MBP: variants seen among roughly 807,000 people sequenced by gnomAD.
MBP encodes the protein Golli-MBP.
MBP carries 16 observed loss-of-function variants against 35.8 expected under a neutral mutation model. The observed-to-expected ratio is 0.45, with a 90% CI of 0.30 to 0.68. The LOEUF is 0.68. MBP is among the 30% of genes least tolerant of loss of function. MBP has a pLI of 0.08. For missense variants in MBP, 380 were observed against 404.7 expected, an observed-to-expected ratio of 0.94 and a Z score of 0.52; for synonymous variants, 143 against 159.6, an observed-to-expected ratio of 0.90 and a Z score of 0.78.
intron 3 of MBP, among the ~76,000 whole-genome samples, chr18:77,043,252 T>C (rs1054129009): frequency 6.6e-6 from 1 of 152,158 alleles, no homozygotes; most frequent in Non-Finnish European, 1.5e-5. Flanking sequence ...ATCTTTCACC[T>C]TTTTTTGCGT....
rs565347243 is a variant in MBP at position 77,069,701 on chromosome 18, T to C, written c.52-3316A>G. On this transcript the variant is annotated intron_variant, in intron 2 of 8. Transcript: ENST00000355994. ...GCGGCAGCCACTTCCCTGTATCCAC[T>C]TCCCAGGCTGGTTTCGAGGGTGGGG... is the stretch of plus-strand genomic sequence containing the variant. Among the ~76,000 whole-genome samples, 157 of 152,310 alleles carry C rather than the reference T, an allele frequency of 1.0e-3. 1 individual carries two copies. Among genetic ancestry groups the C allele is most frequent in the Non-Finnish European group, 1.6e-3 (109 of 68,028 alleles).
intron 2 of MBP, among the ~76,000 whole-genome samples, chr18:77,072,066 G>A (rs975080539): frequency 3.9e-5 from 6 of 152,094 alleles, no homozygotes; most frequent in Admixed American, 6.5e-5. Context: ...TTCCTATGAC[G>A]TCACAGGCGA....
rs1971949696 is a variant in MBP, at chr18:77,020,572, G to A, written c.140-3304C>T. Among the ~76,000 whole-genome samples, 1 of 152,202 alleles carries A rather than the reference G, an allele frequency of 6.6e-6. No homozygotes were observed. Among genetic ancestry groups the A allele is most frequent in the Non-Finnish European group, 1.5e-5 (1 of 68,030 alleles). On this transcript the variant is annotated intron_variant, in intron 3 of 8. Coordinates refer to ENST00000355994, the MANE Select transcript of MBP (RefSeq NM_001025101.2). This position sits in a 1 kb window ranked among gnomAD's most constrained non-coding sequence, Gnocchi z 4.1. ...GTCACATGGGAGGCTGAATTTCCCA[G>A]CACATGCTGTGACCCCATGTGTGAC... is the stretch of plus-strand genomic sequence containing the variant.
chr18:77,078,844 T>C (rs986995158), intron 2 of MBP, among the ~76,000 whole-genome samples: 16 of 152,342 alleles, frequency 1.1e-4, no homozygotes, highest in Non-Finnish European at 1.0e-4. Context: ...TCCTGTGCTC[T>C]GGTCCCTGCC....
intron 3 of MBP, among the ~76,000 whole-genome samples, chr18:77,025,456 G>A (rs189304456): frequency 1.3e-5 from 2 of 152,220 alleles, no homozygotes; most frequent in South Asian, 2.1e-4. Context: ...ACATCGATAC[G>A]TTAATGACTG....
At chr18:77,059,692 G>C (rs1973887713) in intron 3 of MBP, among the ~76,000 whole-genome samples, 2 of 152,282 alleles carry the variant, frequency 1.3e-5, no homozygotes, top group African/African-American at 4.8e-5. Context: ...AAGCCATTTG[G>C]TATGTCCACT....
intron 1 of MBP, among the ~76,000 whole-genome samples, chr18:77,132,135 G>T (rs967033089): frequency 3.3e-5 from 5 of 152,064 alleles, no homozygotes; most frequent in Non-Finnish European, 7.4e-5. Context: ...TTTGACCGCC[G>T]TCCCCTCCCA....
chr18:77,056,935 G>C (rs1175426892), intron 3 of MBP, among the ~76,000 whole-genome samples: 1 of 152,018 alleles, frequency 6.6e-6, no homozygotes, highest in Non-Finnish European at 1.5e-5. Context: ...GGCTTCCCAC[G>C]TGCCCTGACC....
chr18:76,998,587 C>A (rs970915521), intron 4 of MBP, among the ~76,000 whole-genome samples: 1 of 152,194 alleles, frequency 6.6e-6, no homozygotes, highest in African/African-American at 2.4e-5. Flanking sequence ...CCCCAACAGC[C>A]TGAAGTGAAG....
intron 1 of MBP, among the ~76,000 whole-genome samples, chr18:77,110,960 G>A (rs1976428672): frequency 6.6e-6 from 1 of 152,126 alleles, no homozygotes; most frequent in Non-Finnish European, 1.5e-5. Flanking sequence ...AATCCCAGGA[G>A]CAATGTTTTC....
chr18:77,127,027 G>A (rs1425046484), intron 1 of MBP, among the ~76,000 whole-genome samples: 5 of 152,134 alleles, frequency 3.3e-5, no homozygotes, highest in South Asian at 2.1e-4. Flanking sequence ...CCATAAACGC[G>A]CTATTCTAAA....
intron 3 of MBP, among the ~76,000 whole-genome samples, chr18:77,050,082 G>A (rs537099482): frequency 2.0e-5 from 3 of 152,226 alleles, no homozygotes; most frequent in Non-Finnish European, 2.9e-5. Flanking sequence ...CATTGCTGAC[G>A]TTCTTGGTAG....
At chr18:77,089,566 C>A (rs1975418757) in intron 2 of MBP, among the ~76,000 whole-genome samples, 1 of 152,220 alleles carries the variant, frequency 6.6e-6, no homozygotes, top group African/African-American at 2.4e-5. Flanking sequence ...GGGAACATGA[C>A]CCTGCCCACA....
At chr18:76,994,389 A>T (rs1456325980) in intron 4 of MBP, among the ~76,000 whole-genome samples, 1 of 152,244 alleles carries the variant, frequency 6.6e-6, no homozygotes, top group Non-Finnish European at 1.5e-5. Flanking sequence ...TAAACTTTTT[A>T]AGTTTCTAAA....
chr18:77,062,511 GAA>G lies in MBP; in HGVS notation c.139+3785_139+3786del, dbSNP rs3056727. 3.9e-4 allele frequency among the ~76,000 whole-genome samples: 51 copies of G among 132,010 alleles called. 1 individual carries two copies. Among genetic ancestry groups the G allele is most frequent in the African/African-American group, 1.2e-3 (46 of 38,998 alleles). 86.6% of individuals were successfully genotyped at this position (132,010 alleles called of 152,430 possible). On this transcript the variant is annotated intron_variant, in intron 3 of 8. Transcript: ENST00000355994. The stretch of plus-strand genomic sequence containing the variant: ...TCTTAAGCATAACCAGAAAGCTGTC[GAA>G]AAAAAAAAAACAAATCACAGAAGAT...
At chr18:77,011,247 G>T (rs1971327812) in intron 4 of MBP, among the ~76,000 whole-genome samples, 1 of 152,208 alleles carries the variant, frequency 6.6e-6, no homozygotes, top group African/African-American at 2.4e-5. Context: ...TCACTTTAGA[G>T]GAGGTCTCCG....
intron 3 of MBP, among the ~76,000 whole-genome samples, chr18:77,043,886 C>T (rs1348747368): frequency 1.3e-5 from 2 of 151,982 alleles, no homozygotes; most frequent in Non-Finnish European, 2.9e-5. Flanking sequence ...AGGACTGTCA[C>T]GCGTCCACTC....
chr18:77,014,905 C>T, intron 4 of MBP: 1 of 982,818 alleles, frequency 1.0e-6, no homozygotes, highest in Non-Finnish European at 1.2e-6. Context: ...TTCAAAATTC[C>T]TAAAGCAATC....
chr18:77,130,895 C>A (rs553614792), intron 1 of MBP, among the ~76,000 whole-genome samples: 1 of 151,896 alleles, frequency 6.6e-6, no homozygotes, highest in Admixed American at 6.6e-5. Context: ...AGGATTTGAA[C>A]AAAATAGCTT....
Sources: allele counts gnomAD v4.1 joint callset (sites outside exome capture counted in the v4.1 genomes callset), GRCh38; gene constraint gnomAD v4.1.1; non-coding constraint Gnocchi (gnomAD v3.1); transcripts MANE v1.5; gene names NCBI Gene and HGNC (gene_info 2026-07-23, HGNC 2026-07-21).